The following RAB5C variants were observed in gnomAD, a reference collection of about 807,000 sequenced individuals.
The protein encoded by RAB5C is RAB5C, member RAS oncogene family, also known as ras-related protein Rab-5C.
A neutral mutation model predicts 25.2 loss-of-function variants in RAB5C; 4 were observed. The ratio of observed to expected loss-of-function variants is 0.16; its 90% CI spans 0.08 to 0.36. The LOEUF is 0.36. Among genes scored for constraint, RAB5C ranks in the 10% least tolerant of loss-of-function variants. RAB5C has a pLI of 1.00. For synonymous variants in RAB5C, 100 were observed against 106.4 expected (o/e 0.94, Z 0.37); for missense variants, 199 against 283.8 (o/e 0.70, Z 2.15).
At chr17:42,141,737 C>T (rs1418401602) in intron 1 of RAB5C, among the ~76,000 whole-genome samples, 2 of 152,132 alleles carry the variant, frequency 1.3e-5, no homozygotes, top group African/African-American at 4.8e-5. Context: ...TTTCCTCACA[C>T]GTAAAATGGA....
intron 1 of RAB5C, among the ~76,000 whole-genome samples, chr17:42,147,026 A>G (rs946551473): frequency 2.7e-5 from 3 of 112,126 alleles, no homozygotes; most frequent in South Asian, 2.5e-4. Flanking sequence ...GACAGAAAGA[A>G]AGACAGAAAG....
chr17:42,141,763 C>T (rs1267336920), intron 1 of RAB5C, among the ~76,000 whole-genome samples: 2 of 152,266 alleles, frequency 1.3e-5, no homozygotes, highest in South Asian at 2.1e-4. Context: ...CAGTACCACC[C>T]GTCTCCAGGA....
At chr17:42,148,274 A>G (rs778074227) in intron 1 of RAB5C, among the ~76,000 whole-genome samples, 3 of 151,814 alleles carry the variant, frequency 2.0e-5, no homozygotes, top group Non-Finnish European at 2.9e-5. Flanking sequence ...GCGTGGTGGT[A>G]CACACCTGTA....
chr17:42,137,660 G>C (rs182970572), intron 1 of RAB5C: 4 of 152,044 alleles, frequency 2.6e-5, no homozygotes, highest in Admixed American at 1.3e-4. Context: ...AGGCTGAGGC[G>C]GGTGGATCAT....
intron 1 of RAB5C, among the ~76,000 whole-genome samples, chr17:42,144,128 G>T (rs1272134075): frequency 1.3e-5 from 2 of 152,098 alleles, no homozygotes; most frequent in Non-Finnish European, 2.9e-5. Context: ...AAATATCCTG[G>T]AGTCCATACT....
At chr17:42,153,801 G>C (rs2079687653) in intron 1 of RAB5C, among the ~76,000 whole-genome samples, 1 of 152,228 alleles carries the variant, frequency 6.6e-6, no homozygotes, top group Admixed American at 6.5e-5. Flanking sequence ...ATATGGTTGA[G>C]GGAACCTGCA....
intron 1 of RAB5C, among the ~76,000 whole-genome samples, chr17:42,135,457 G>A (rs916557911): frequency 6.6e-6 from 1 of 152,048 alleles, no homozygotes; most frequent in African/African-American, 2.4e-5. Context: ...AATCTCTAGA[G>A]GTGGAGTCCA....
At chr17:42,134,212 T>C (rs1598248040) in intron 1 of RAB5C, among the ~76,000 whole-genome samples, 1 of 151,942 alleles carries the variant, frequency 6.6e-6, no homozygotes, top group South Asian at 2.1e-4. Context: ...ACATGGCAGG[T>C]AGTAAAGGTG....
chr17:42,149,284 C>A (rs935864464), intron 1 of RAB5C, among the ~76,000 whole-genome samples: 1 of 152,144 alleles, frequency 6.6e-6, no homozygotes, highest in East Asian at 1.9e-4. Flanking sequence ...TGGCTACAAG[C>A]AAAATACTGT....
chr17:42,129,838 A>AC (rs1371772817), intron 2 of RAB5C, among the ~76,000 whole-genome samples: 15 of 152,240 alleles, frequency 9.9e-5, no homozygotes, highest in Admixed American at 3.3e-4. Context: ...ACCCTCACTC[A>AC]CATCCTAAAT....
In RAB5C at chr17:42,128,814, G is replaced by A; in HGVS notation, c.167-14C>T. ...TGAGGAAGGCCGCTGTAAGAGAGAA[G>A]GAGCGTCCATGGGCAAGAGCGAGTT... On this transcript the variant is annotated splice_polypyrimidine_tract_variant and intron_variant, in intron 2 of 5. Coordinates refer to ENST00000346213, the MANE Select transcript of RAB5C (RefSeq NM_004583.4). The A allele has an allele frequency of 6.8e-7, 1 of 1,467,658 alleles. No homozygotes were observed. Among genetic ancestry groups the A allele is most frequent in the East Asian group, 2.5e-5 (1 of 39,524 alleles). 90.9% of individuals were successfully genotyped at this position (1,467,658 alleles called of 1,614,324 possible). A position where few individuals can be genotyped will look rare whatever the true frequency, so the allele number is the denominator to read the frequency against.
At position 42,136,470 on chromosome 17, in the gene RAB5C, G is replaced by T. The variant is rs1280624315; in HGVS notation, c.-88-5880C>A. On this transcript the variant is annotated intron_variant, in intron 1 of 5. Coordinates refer to ENST00000346213, the MANE Select transcript of RAB5C (RefSeq NM_004583.4). The stretch of plus-strand genomic sequence containing the variant: ...GTGGCTAGCAGGTTAGGACTTGGGA[G>T]GCTGAGCCGGGTTTGGTTCAAGCTC... 3 of 152,256 alleles carry T rather than the reference G, an allele frequency of 2.0e-5. No homozygotes were observed. The East Asian group carries it at 5.8e-4, about 29-fold the overall frequency. The allele number at this position is 152,256 out of a possible 1,614,324, so 9.4% of individuals were successfully genotyped here.
intron 1 of RAB5C, among the ~76,000 whole-genome samples, chr17:42,152,484 C>T (rs995968385): frequency 1.3e-5 from 2 of 152,100 alleles, no homozygotes; most frequent in African/African-American, 4.8e-5. Context: ...GCTTCCCCTT[C>T]AAAGTCGTTT....
At chr17:42,129,528 C>T (rs1049753790) in intron 2 of RAB5C, among the ~76,000 whole-genome samples, 8 of 152,166 alleles carry the variant, frequency 5.3e-5, no homozygotes, top group Non-Finnish European at 7.3e-5. Context: ...AGCAAAAGGC[C>T]CCTTTGCCCC....
chr17:42,140,283 C>G (rs2054579176), intron 1 of RAB5C, among the ~76,000 whole-genome samples: 1 of 151,856 alleles, frequency 6.6e-6, no homozygotes, highest in African/African-American at 2.4e-5. Context: ...CCTTCAGCTC[C>G]TAAACAGAGA....
At chr17:42,141,704 G>C (rs1420049515) in intron 1 of RAB5C, among the ~76,000 whole-genome samples, 1 of 152,112 alleles carries the variant, frequency 6.6e-6, no homozygotes, top group Admixed American at 6.5e-5. Flanking sequence ...TACTAGGGTG[G>C]CCTGGTGTTG....
intron 1 of RAB5C, among the ~76,000 whole-genome samples, chr17:42,133,425 G>A (rs1198990438): frequency 6.6e-6 from 1 of 152,180 alleles, no homozygotes. Context: ...CAAACCACAG[G>A]GTTAGAGGAA....
chr17:42,135,817 T>C (rs575522340), intron 1 of RAB5C, among the ~76,000 whole-genome samples: 1 of 152,362 alleles, frequency 6.6e-6, no homozygotes, highest in East Asian at 1.9e-4. Context: ...GAGTGTCTCG[T>C]GTACTTCCTG....
At chr17:42,132,023 A>G (rs1046878469) in intron 1 of RAB5C, among the ~76,000 whole-genome samples, 4 of 152,132 alleles carry the variant, frequency 2.6e-5, no homozygotes, top group Admixed American at 6.6e-5. Flanking sequence ...TCCCAGGGAG[A>G]GCCCCGATCT....
Sources: allele counts gnomAD v4.1 joint callset (sites outside exome capture counted in the v4.1 genomes callset), GRCh38; gene constraint gnomAD v4.1.1; transcripts MANE v1.5; gene names NCBI Gene and HGNC (gene_info 2026-07-23, HGNC 2026-07-21).